SCAMP4: variants seen among roughly 807,000 people sequenced by gnomAD.
SCAMP4 encodes the protein secretory carrier membrane protein 4.
SCAMP4 carries 19 observed loss-of-function variants against 32.1 expected under a neutral mutation model. That is an observed-to-expected ratio of 0.59 (90% confidence interval 0.41 to 0.87). The LOEUF is 0.87. SCAMP4 is among the 40% of genes least tolerant of loss of function. SCAMP4 has a pLI of 0.00. For missense variants in SCAMP4, 302 were observed against 309.0 expected (o/e 0.98, Z 0.17); for synonymous variants, 152 against 132.7 (o/e 1.15, Z -1.00).
At chr19:1,915,944 GAAA>G (rs11336283) in intron 2 of SCAMP4, among the ~76,000 whole-genome samples, 3 of 136,844 alleles carry the variant, frequency 2.2e-5, no homozygotes, top group South Asian at 4.7e-4. Flanking sequence ...GACTGTCTCA[GAAA>G]AAAAAAAAAG....
Position 1,918,986 on chromosome 19 carries a change from G to A in SCAMP4, c.391G>A (p.Ala131Thr), listed in dbSNP as rs374680019. The change falls in exon 5 of 7, where the codon GCG becomes ACG. Residue 131 changes from alanine (A) to threonine (T), a missense_variant. Physicochemically the swap from Ala to Thr is moderately conservative, Grantham distance 58. Transcript: ENST00000316097. ...IQAIGFSGWG[A>T]CGWLSAIGFF... ...GGCGATTGGCTTCTCCGGCTGGGGC[G>A]CGTGGTAAGCCTCTCTCTGATGGGC... 1.2e-5 allele frequency: 19 copies of A among 1,604,904 alleles called. No individual in the cohort carries two copies. Among genetic ancestry groups the A allele is most frequent in the African/African-American group, 1.3e-5 (1 of 74,792 alleles).
intron 5 of SCAMP4, chr19:1,920,902 G>A (rs1452496761): frequency 6.1e-6 from 6 of 985,128 alleles, no homozygotes; most frequent in African/African-American, 3.5e-5. Context: ...CTCGGCCCTC[G>A]TGCACGTGCG....
Position 1,914,771 on chromosome 19 carries a change from C to T in SCAMP4, c.-41-208C>T, listed in dbSNP as rs569326223. On this transcript the variant is annotated intron_variant, in intron 1 of 6. Coordinates refer to ENST00000316097, the MANE Select transcript of SCAMP4 (RefSeq NM_079834.4). ...CTGCGGCCAGCCCTGCCCGTTTTGC[C>T]AGCATGGGTGGTGTGCACTGGAGCC... 1.1e-3 allele frequency among the ~76,000 whole-genome samples: 168 copies of T among 152,300 alleles called. 2 individuals carry two copies. Among genetic ancestry groups the T allele is most frequent in the Non-Finnish European group, 1.8e-3 (120 of 68,006 alleles).
At chr19:1,913,102 TC>T in intron 1 of SCAMP4, 1 of 1,596,012 alleles carries the variant, frequency 6.3e-7, no homozygotes, top group Non-Finnish European at 8.5e-7. Context: ...TTCCAGGTGT[TC>T]CGCGGGGTGC....
chr19:1,912,732 G>GCGT, intron 1 of SCAMP4: 1 of 1,534,022 alleles, frequency 6.5e-7, no homozygotes, highest in Admixed American at 1.9e-5. Context: ...CACCGGCCAC[G>GCGT]ACTGCAGCTG....
intron 1 of SCAMP4, among the ~76,000 whole-genome samples, chr19:1,914,234 G>A (rs1599245760): frequency 6.6e-6 from 1 of 152,180 alleles, no homozygotes; most frequent in African/African-American, 2.4e-5. Context: ...AGGGGAAGAT[G>A]TCCTGTCCCA....
intron 1 of SCAMP4, chr19:1,913,176 CT>C: frequency 6.7e-7 from 1 of 1,489,218 alleles, no homozygotes; most frequent in Non-Finnish European, 8.9e-7. Context: ...CCTCCGGACC[CT>C]TCCCGCTCCC....
rs2013923777 is a variant in SCAMP4 at position 1,921,624 on chromosome 19, A to G, written c.396-1446A>G. 11 of 985,446 alleles carry G rather than the reference A, an allele frequency of 1.1e-5. No individual in the cohort carries two copies. In the South Asian group the frequency reaches 4.7e-4, roughly 42 times the overall value. The allele number at this position is 985,446 out of a possible 1,614,324, so 61.0% of individuals were successfully genotyped here. On this transcript the variant is annotated intron_variant, in intron 5 of 6. Coordinates refer to ENST00000316097, the MANE Select transcript of SCAMP4 (RefSeq NM_079834.4). The stretch of plus-strand genomic sequence containing the variant: ...GCGGGGGCGGCGGCAGGAGTCCTCA[A>G]ATGCCTTTGCCGCTTTTCATAAATC...
intron 5 of SCAMP4, chr19:1,920,537 A>C (rs908663256): frequency 8.8e-5 from 82 of 933,494 alleles, no homozygotes; most frequent in Non-Finnish European, 1.0e-4. Flanking sequence ...GTCACCTGCC[A>C]CCCCAAGAGC....
chr19:1,917,655 CAA>C (rs1219777380), intron 2 of SCAMP4, 37 bp from the exon 3 acceptor site: 1 of 1,612,926 alleles, frequency 6.2e-7, no homozygotes, highest in Admixed American at 1.7e-5. Flanking sequence ...CTTCAAGAGA[CAA>C]AGTCTGGTTC....
intron 1 of SCAMP4, among the ~76,000 whole-genome samples, chr19:1,909,197 G>A (rs2013303517): frequency 6.6e-6 from 1 of 152,138 alleles, no homozygotes; most frequent in African/African-American, 2.4e-5. Flanking sequence ...GATGCAGGTG[G>A]GGGAAGGCTG....
intron 1 of SCAMP4, 108 bp from the exon 2 acceptor site, chr19:1,914,871 T>C: frequency 1.1e-6 from 1 of 903,106 alleles, no homozygotes. Context: ...CACTGCTGTT[T>C]CCAGAGCACA....
chr19:1,920,307 C>T (rs1241246323), intron 5 of SCAMP4: 3 of 985,096 alleles, frequency 3.0e-6, no homozygotes, highest in East Asian at 2.3e-4. Context: ...AGCTCCTGTT[C>T]TGGGGTTCCT....
At chr19:1,923,763 C>CGTGAGTCCCCGT (rs1555840437) in intron 6 of SCAMP4, among the ~76,000 whole-genome samples, 62 of 147,304 alleles carry the variant, frequency 4.2e-4, no homozygotes, top group East Asian at 9.1e-4. Flanking sequence ...GGACTACAGG[C>CGTGAGTCCCCGT]GCCCGCTACC....
At position 1,917,827 on chromosome 19, in the gene SCAMP4, G is replaced by T; in HGVS notation, c.136+5G>T. 1 of 1,613,888 alleles carries T rather than the reference G, an allele frequency of 6.2e-7. No individual in the cohort carries two copies. The highest frequency in any genetic ancestry group is 8.5e-7 in the Non-Finnish European group (1 of 1,179,892). On this transcript the variant is annotated splice_donor_5th_base_variant and intron_variant, in intron 3 of 6. Transcript: ENST00000316097. ...GGATCTACCGGCTGTGGATGTGTGA[G>T]TGCGCCTGGGGGCAGGAGGCGGGAA...
chr19:1,921,038 G>A lies in SCAMP4; in HGVS notation c.396-2032G>A, dbSNP rs1004482078. ...AACGCTCTTGAGAAAGAAACCCAGC[G>A]GGTCTTAGGAGAGCCCGGCCCCCCT... is the stretch of plus-strand genomic sequence containing the variant. On this transcript the variant is annotated intron_variant, in intron 5 of 6. Coordinates refer to ENST00000316097, the MANE Select transcript of SCAMP4 (RefSeq NM_079834.4). The A allele has an allele frequency of 5.2e-5, 51 of 985,304 alleles. No individual in the cohort carries two copies. The East Asian group carries it at 1.4e-3, about 26-fold the overall frequency. 61.0% of individuals were successfully genotyped at this position (985,304 alleles called of 1,614,324 possible).
chr19:1,909,104 G>GA (rs774397199), intron 1 of SCAMP4, among the ~76,000 whole-genome samples: 256 of 129,762 alleles, frequency 2.0e-3, no homozygotes, highest in Middle Eastern at 9.5e-3. Context: ...GACTCTGTCT[G>GA]AAAAAAAAAA....
intron 5 of SCAMP4, 182 bp downstream of exon 5, chr19:1,919,172 A>C: frequency 1.1e-5 from 16 of 1,430,994 alleles, no homozygotes; most frequent in Non-Finnish European, 1.5e-5. Flanking sequence ...CGTCCTCGCC[A>C]GCACCCAGCC....
intron 5 of SCAMP4, chr19:1,921,384 C>T: frequency 1.0e-6 from 1 of 985,454 alleles, no homozygotes; most frequent in South Asian, 4.7e-5. Context: ...CCCAGCGGGG[C>T]CTAGCTGTGT....
Sources: gnomAD v4.1 joint callset for allele counts (sites outside exome capture counted in the v4.1 genomes callset) on GRCh38, gnomAD v4.1.1 for gene constraint, MANE v1.5 for transcripts, NCBI Gene and HGNC (gene_info 2026-07-23, HGNC 2026-07-21) for gene names.